Variants in SRPK2 observed in about 807,000 individuals in gnomAD.
SRPK2 encodes SFRS protein kinase 2.
SRPK2 carries 21 observed loss-of-function variants against 90.8 expected under a neutral mutation model. The ratio of observed to expected loss-of-function variants is 0.23; its 90% CI spans 0.16 to 0.33. The LOEUF (loss-of-function observed/expected upper bound fraction) is 0.33. SRPK2 is among the 10% of genes least tolerant of loss of function. The probability of loss-of-function intolerance (pLI) is 1.00; values close to 1 mark genes in which losing one functional copy is unlikely to be tolerated. For missense variants in SRPK2, 620 were observed against 869.0 expected (o/e 0.71, Z 3.60); for synonymous variants, 288 against 311.1 (o/e 0.93, Z 0.78).
chr7:105,196,647 A>G (rs981358349), intron 3 of SRPK2, among the ~76,000 whole-genome samples: 10 of 152,234 alleles, frequency 6.6e-5, no homozygotes, highest in African/African-American at 2.4e-4. Flanking sequence ...CTGATGTAAC[A>G]CAGCCAACAT....
chr7:105,335,178 T>C (rs1814948366), intron 2 of SRPK2, among the ~76,000 whole-genome samples: 1 of 151,916 alleles, frequency 6.6e-6, no homozygotes, highest in Non-Finnish European at 1.5e-5. Context: ...TCTCAAAAAA[T>C]AAATAAATAA....
At chr7:105,388,197 C>T (rs946873799) in intron 2 of SRPK2, among the ~76,000 whole-genome samples, 1 of 152,028 alleles carries the variant, frequency 6.6e-6, no homozygotes, top group African/African-American at 2.4e-5. Context: ...GCACACTCGG[C>T]CCCTCCGCCT....
rs191941983 is a variant in SRPK2, at chr7:105,118,309, A to C, written c.1916-287T>G. On this transcript the variant is annotated intron_variant, in intron 15 of 15. Coordinates refer to ENST00000393651, the MANE Select transcript of SRPK2 (RefSeq NM_182692.3). The stretch of plus-strand genomic sequence containing the variant: ...AGTGGAGTGGGCTCAGTTTGCCCAG[A>C]GTGTTTTCTTTTCCAAAGGTTGAAG... 2.0e-4 allele frequency among the ~76,000 whole-genome samples: 31 copies of C among 152,316 alleles called. No homozygotes were observed. The East Asian group carries it at 5.4e-3, about 27-fold the overall frequency.
At chr7:105,232,458 TAAAAAAAAAAA>T (rs10533429) in intron 2 of SRPK2, among the ~76,000 whole-genome samples, 361 of 131,954 alleles carry the variant, frequency 2.7e-3, no homozygotes, top group Middle Eastern at 3.9e-3. Flanking sequence ...AAACCTTATC[TAAAAAAAAAAA>T]AAAAAAAAAA....
Position 105,136,404 on chromosome 7 carries a change from C to T in SRPK2, c.1544-3300G>A, listed in dbSNP as rs529907148. Among the ~76,000 whole-genome samples the T allele has an allele frequency of 1.4e-4, 21 of 152,264 alleles. No individual in the cohort carries two copies. The South Asian group carries it at 2.7e-3, about 20-fold the overall frequency. Reference sequence around the variant, plus strand: ...GTCACCACAGTAGTGACCTGTCACACGGTTTCCTTCTTACAGATAATGGTG... The same window carrying T: ...GTCACCACAGTAGTGACCTGTCACATGGTTTCCTTCTTACAGATAATGGTG... On this transcript the variant is annotated intron_variant, in intron 11 of 15. Transcript: ENST00000393651.
chr7:105,213,295 C>A (rs1797074539), intron 2 of SRPK2, among the ~76,000 whole-genome samples: 1 of 152,148 alleles, frequency 6.6e-6, no homozygotes, highest in Admixed American at 6.5e-5. Flanking sequence ...GGATACCAAG[C>A]AGCATAGAAT....
intron 2 of SRPK2, among the ~76,000 whole-genome samples, chr7:105,268,436 G>C (rs374907493): frequency 6.6e-6 from 1 of 152,160 alleles, no homozygotes; most frequent in Non-Finnish European, 1.5e-5. Context: ...TAATTCTGTA[G>C]AGCAGCAACC....
intron 2 of SRPK2, among the ~76,000 whole-genome samples, chr7:105,371,428 T>C (rs1585934407): frequency 6.7e-6 from 1 of 149,082 alleles, no homozygotes; most frequent in Non-Finnish European, 1.5e-5. Flanking sequence ...ATAAAAAATA[T>C]CCAGTGTCAG....
intron 15 of SRPK2, among the ~76,000 whole-genome samples, chr7:105,120,660 A>G (rs1337649916): frequency 1.3e-5 from 2 of 152,220 alleles, no homozygotes; most frequent in African/African-American, 4.8e-5. Flanking sequence ...CTCTAAAAAA[A>G]AAAAAAATGT....
chr7:105,279,650 C>A (rs1455295822), intron 2 of SRPK2, among the ~76,000 whole-genome samples: 3 of 152,202 alleles, frequency 2.0e-5, no homozygotes, highest in African/African-American at 7.2e-5. Context: ...GAACTAAATA[C>A]AACAATGTAT....
intron 2 of SRPK2, among the ~76,000 whole-genome samples, chr7:105,287,252 C>T (rs1300560145): frequency 2.2e-5 from 2 of 92,842 alleles, no homozygotes; most frequent in African/African-American, 8.9e-5. Context: ...CAGAGCGAGA[C>T]TCCGTCTAAA....
chr7:105,178,350 C>A (rs2129595631), intron 3 of SRPK2, among the ~76,000 whole-genome samples: 1 of 152,280 alleles, frequency 6.6e-6, no homozygotes, highest in South Asian at 2.1e-4. Context: ...GGAAGAAATT[C>A]AAAAGCAGTC....
chr7:105,184,993 T>C (rs1793387832), intron 3 of SRPK2, among the ~76,000 whole-genome samples: 2 of 152,148 alleles, frequency 1.3e-5, no homozygotes, highest in African/African-American at 2.4e-5. Flanking sequence ...AAAAGGACTT[T>C]CCTCCAGAAT....
chr7:105,137,376 C>A (rs913863463), intron 11 of SRPK2, among the ~76,000 whole-genome samples: 1 of 151,988 alleles, frequency 6.6e-6, no homozygotes, highest in African/African-American at 2.4e-5. Flanking sequence ...GTTGGTGAGG[C>A]GAGGGTGGGT....
At chr7:105,149,410 T>G (rs112958768) in intron 7 of SRPK2, among the ~76,000 whole-genome samples, 5 of 151,930 alleles carry the variant, frequency 3.3e-5, no homozygotes, top group Admixed American at 2.0e-4. Flanking sequence ...ACGTGTTTGT[T>G]GCTGACCTTC....
chr7:105,397,648 AT>A (rs893333987), intron 1 of SRPK2, among the ~76,000 whole-genome samples: 43 of 137,274 alleles, frequency 3.1e-4, no homozygotes, highest in African/African-American at 4.6e-4. Flanking sequence ...TTTTAAAGTA[AT>A]TTTTTTTTTT....
intron 2 of SRPK2, among the ~76,000 whole-genome samples, chr7:105,324,983 T>C (rs1448353682): frequency 3.9e-5 from 6 of 152,236 alleles, no homozygotes; most frequent in Non-Finnish European, 7.3e-5. Flanking sequence ...GCAGAAGGTA[T>C]ATTAGAAGTC....
At chr7:105,258,506 T>C (rs1025993458) in intron 2 of SRPK2, among the ~76,000 whole-genome samples, 1 of 151,184 alleles carries the variant, frequency 6.6e-6, no homozygotes, top group Admixed American at 6.6e-5. Context: ...AAAATACTAA[T>C]ATTTGGGATG....
chr7:105,388,887 G>A lies in SRPK2; in HGVS notation c.-81C>T, dbSNP rs1821993227. ...ACGAGCTGGGCTGCAGCCTCCACTC[G>A]CTCCGCCGGCCGGGAGGAGACGAGA... On this transcript the variant is annotated 5_prime_UTR_variant, in exon 1 of 16. Transcript: ENST00000393651. 5 of 1,242,918 alleles carry A rather than the reference G, an allele frequency of 4.0e-6. No homozygotes were observed. Among genetic ancestry groups the A allele is most frequent in the Non-Finnish European group, 3.0e-6 (3 of 996,746 alleles). 77.0% of individuals were successfully genotyped at this position (1,242,918 alleles called of 1,614,324 possible). A position where few individuals can be genotyped will look rare whatever the true frequency, so the allele number is the denominator to read the frequency against.
Sources: allele counts gnomAD v4.1 joint callset (sites outside exome capture counted in the v4.1 genomes callset), GRCh38; gene constraint gnomAD v4.1.1; transcripts MANE v1.5; gene names NCBI Gene and HGNC (gene_info 2026-07-23, HGNC 2026-07-21).